Variants in TAOK3 observed in about 807,000 individuals in gnomAD.
TAOK3 encodes the protein TAO kinase 3, also known as serine/threonine-protein kinase TAO3.
Under a neutral mutation model 120.4 loss-of-function variants are expected in TAOK3, and 40 were observed. That is an observed-to-expected ratio of 0.33 (90% CI 0.26 to 0.43). The LOEUF (loss-of-function observed/expected upper bound fraction) is 0.43, where lower values mean the gene tolerates loss of function less well. Among genes scored for constraint, TAOK3 ranks in the 20% least tolerant of loss-of-function variants. The probability of loss-of-function intolerance (pLI) is 1.00; values close to 1 mark genes in which losing one functional copy is unlikely to be tolerated. For synonymous variants in TAOK3, 355 were observed against 387.5 expected (o/e 0.92, Z 0.99); for missense variants, 821 against 1,112.1 (o/e 0.74, Z 3.72).
chr12:118,339,617 A>G (rs1706470), intron 1 of TAOK3, among the ~76,000 whole-genome samples: 3 of 149,704 alleles, frequency 2.0e-5, no homozygotes, highest in African/African-American at 7.4e-5. Context: ...CCAGGCTGGA[A>G]TGCAGTGGTG....
At chr12:118,196,028 C>T (rs1017976488) in intron 13 of TAOK3, among the ~76,000 whole-genome samples, 2 of 149,916 alleles carry the variant, frequency 1.3e-5, no homozygotes, top group Non-Finnish European at 3.0e-5. Context: ...CCAGCCTGGG[C>T]GACAGCACGA....
At chr12:118,349,981 C>T (rs949174098) in intron 1 of TAOK3, among the ~76,000 whole-genome samples, 1 of 152,164 alleles carries the variant, frequency 6.6e-6, no homozygotes, top group African/African-American at 2.4e-5. Context: ...GATATAATGC[C>T]TTACAAAGTC....
intron 17 of TAOK3, among the ~76,000 whole-genome samples, chr12:118,168,602 A>C (rs2035763429): frequency 6.6e-6 from 1 of 152,200 alleles, no homozygotes; most frequent in South Asian, 2.1e-4. Flanking sequence ...AAAGCTTTGA[A>C]CATTTTCATG....
chr12:118,169,522 G>A (rs897506451), intron 17 of TAOK3, among the ~76,000 whole-genome samples: 10 of 151,434 alleles, frequency 6.6e-5, no homozygotes, highest in African/African-American at 2.4e-4. Context: ...TGTTGGCCAG[G>A]CTGGTCTCGA....
chr12:118,259,617 G>C (rs764069052), intron 2 of TAOK3, among the ~76,000 whole-genome samples: 1 of 152,192 alleles, frequency 6.6e-6, no homozygotes, highest in African/African-American at 2.4e-5. Flanking sequence ...ATCAGGCAAA[G>C]AAAGACAATG....
chr12:118,226,594 A>C (rs2039520920), intron 9 of TAOK3, among the ~76,000 whole-genome samples: 3 of 152,208 alleles, frequency 2.0e-5, no homozygotes, highest in Admixed American at 1.3e-4. Context: ...GACAACTACA[A>C]AATGGCAGAA....
At chr12:118,306,121 C>A (rs1378525976) in intron 1 of TAOK3, among the ~76,000 whole-genome samples, 1 of 152,032 alleles carries the variant, frequency 6.6e-6, no homozygotes, top group Non-Finnish European at 1.5e-5. Context: ...TAAAGCTCGA[C>A]CACTGCTGGT....
At chr12:118,299,825 AT>A (rs1188321665) in intron 1 of TAOK3, among the ~76,000 whole-genome samples, 14 of 148,508 alleles carry the variant, frequency 9.4e-5, no homozygotes, top group South Asian at 2.1e-4. Flanking sequence ...AGGTTATTTT[AT>A]TTTTTTTTTT....
intron 1 of TAOK3, among the ~76,000 whole-genome samples, chr12:118,303,173 A>G (rs914111694): frequency 6.6e-6 from 1 of 152,276 alleles, no homozygotes; most frequent in East Asian, 1.9e-4. Context: ...GATTTTAATA[A>G]AAGATGTATT....
intron 1 of TAOK3, among the ~76,000 whole-genome samples, chr12:118,318,672 G>C (rs1178443215): frequency 6.6e-6 from 1 of 152,128 alleles, no homozygotes; most frequent in Admixed American, 6.5e-5. Context: ...GCAGTATGGA[G>C]GTTTCTCAAA....
Position 118,181,406 on chromosome 12 carries a change from G to C in TAOK3, c.1531C>G (p.Leu511Val). 6.2e-7 allele frequency: 1 copy of C among 1,614,100 alleles called. No homozygotes were observed. The highest frequency in any genetic ancestry group is 8.5e-7 in the Non-Finnish European group (1 of 1,179,992). Reference protein sequence around the residue: ...ANNSSIELEKLAKKQVAIIEK... With the variant: ...ANNSSIELEKVAKKQVAIIEK... Reference sequence around the variant, plus strand: ...ATGATAGCCACTTGCTTCTTGGCCAGCTTCTCCAGCTCGATGGACGAGTTG... The same window carrying C: ...ATGATAGCCACTTGCTTCTTGGCCACCTTCTCCAGCTCGATGGACGAGTTG... Residue 511 changes from leucine (L) to valine (V), a missense_variant, in exon 15 of 21, where the codon CTG becomes GTG. By Grantham distance (32) the Leu-to-Val change is conservative. Around this residue, in one of 2 missense-constraint regions of TAOK3, gnomAD observed 354 missense variants for 572.1 expected, o/e 0.62. Transcript: ENST00000392533.
At chr12:118,218,316 T>C (rs1417474648) in intron 9 of TAOK3, among the ~76,000 whole-genome samples, 3 of 152,144 alleles carry the variant, frequency 2.0e-5, no homozygotes, top group African/African-American at 7.2e-5. Flanking sequence ...TTTAGAAAGT[T>C]TGCAGAGCTT....
chr12:118,326,530 ACT>A (rs142530525), intron 1 of TAOK3, among the ~76,000 whole-genome samples: 8,362 of 152,222 alleles, frequency 0.055, 465 homozygotes, highest in East Asian at 0.25. Context: ...AAAAGAAATG[ACT>A]CTGAATTAAA....
chr12:118,246,270 G>A, intron 3 of TAOK3: 4 of 1,510,480 alleles, frequency 2.6e-6, no homozygotes, highest in Non-Finnish European at 3.6e-6. Flanking sequence ...GTGGATGCCC[G>A]TCACCAAGTT....
At chr12:118,294,295 G>A (rs1007367524) in intron 1 of TAOK3, among the ~76,000 whole-genome samples, 4 of 151,922 alleles carry the variant, frequency 2.6e-5, no homozygotes, top group Admixed American at 2.0e-4. Flanking sequence ...GTCAGTAAAC[G>A]TCTCTCTCCA....
chr12:118,361,452 A>AT (rs556748789), intron 1 of TAOK3, among the ~76,000 whole-genome samples: 20 of 149,368 alleles, frequency 1.3e-4, no homozygotes, highest in South Asian at 6.4e-4. Context: ...CTTCCTTAGG[A>AT]TTTTTTTTTC....
At chr12:118,194,612 C>CTTTTTT (rs58866768) in intron 13 of TAOK3, among the ~76,000 whole-genome samples, 2 of 98,152 alleles carry the variant, frequency 2.0e-5, no homozygotes, top group Non-Finnish European at 4.3e-5. Context: ...AAGGACATTT[C>CTTTTTT]TTTTTTTTTT....
chr12:118,360,331 G>C (rs1429516349), intron 1 of TAOK3, among the ~76,000 whole-genome samples: 1 of 151,750 alleles, frequency 6.6e-6, no homozygotes, highest in African/African-American at 2.4e-5. Context: ...ACTTTGGGAG[G>C]CTGAGGCAGG....
chr12:118,336,349 A>G (rs1440590178), intron 1 of TAOK3, among the ~76,000 whole-genome samples: 1 of 152,220 alleles, frequency 6.6e-6, no homozygotes, highest in Non-Finnish European at 1.5e-5. Context: ...GATTCAACGG[A>G]GAAAAAATTC....
Sources: gnomAD v4.1 joint callset for allele counts (sites outside exome capture counted in the v4.1 genomes callset) on GRCh38, gnomAD v4.1.1 for gene constraint, gnomAD v4.1.1 regional missense constraint, MANE v1.5 for transcripts, NCBI Gene and HGNC (gene_info 2026-07-23, HGNC 2026-07-21) for gene names.